RGS12: variants seen among roughly 807,000 people sequenced by gnomAD.
The protein encoded by RGS12 is regulator of G-protein signaling 12.
Under a neutral mutation model 120.1 loss-of-function variants are expected in RGS12, and 66 were observed. The ratio of observed to expected loss-of-function variants is 0.55; its 90% CI spans 0.45 to 0.67. RGS12 has a LOEUF of 0.67. Ranked by LOEUF, RGS12 falls within the 30% of genes least tolerant of loss-of-function variation. The pLI is 0.00. For synonymous variants in RGS12, 827 were observed against 804.7 expected, an observed-to-expected ratio of 1.03 and a Z score of -0.47; for missense variants, 1,859 against 1,957.7, an observed-to-expected ratio of 0.95 and a Z score of 0.95.
intron 3 of RGS12, among the ~76,000 whole-genome samples, chr4:3,345,380 C>T (rs1391805467): frequency 4.6e-5 from 7 of 152,342 alleles, no homozygotes; most frequent in Non-Finnish European, 1.0e-4. Context: ...CATTTTCTTT[C>T]TGACAACTTT....
chr4:3,381,734 A>G (rs1316584028), intron 3 of RGS12, among the ~76,000 whole-genome samples: 1 of 152,238 alleles, frequency 6.6e-6, no homozygotes, highest in Admixed American at 6.5e-5. Context: ...TGGAACTACA[A>G]GATGAGATTT....
chr4:3,334,390 T>TA (rs922059867), intron 2 of RGS12, among the ~76,000 whole-genome samples: 10 of 152,244 alleles, frequency 6.6e-5, no homozygotes, highest in African/African-American at 2.4e-4. Context: ...AAACCTAACT[T>TA]ATGATCATTT....
chr4:3,333,816 A>T (rs1712150843), intron 2 of RGS12, among the ~76,000 whole-genome samples: 1 of 152,210 alleles, frequency 6.6e-6, no homozygotes, highest in Non-Finnish European at 1.5e-5. Context: ...CAACCAGTTT[A>T]CAAATTCCCC....
At chr4:3,382,507 C>G (rs946693917) in intron 3 of RGS12, among the ~76,000 whole-genome samples, 1 of 152,232 alleles carries the variant, frequency 6.6e-6, no homozygotes, top group Non-Finnish European at 1.5e-5. Flanking sequence ...AGATCAACAT[C>G]ATGGGATCCA....
At chr4:3,359,971 T>A (rs1419853184) in intron 3 of RGS12, among the ~76,000 whole-genome samples, 1 of 152,068 alleles carries the variant, frequency 6.6e-6, no homozygotes, top group Non-Finnish European at 1.5e-5. Flanking sequence ...ATGTTGCCCA[T>A]GTTGTCTTGA....
At chr4:3,356,050 ATTT>A (rs35966486) in intron 3 of RGS12, among the ~76,000 whole-genome samples, 2,837 of 123,400 alleles carry the variant, frequency 0.023, 74 homozygotes, top group African/African-American at 0.078. Flanking sequence ...ATCTTTTTCA[ATTT>A]TTTTTTTTTT....
intron 4 of RGS12, among the ~76,000 whole-genome samples, chr4:3,401,891 T>C (rs73792010): frequency 0.076 from 11,540 of 152,338 alleles, 1,117 homozygotes; most frequent in African/African-American, 0.23. Context: ...AGCCCTGCCT[T>C]AGCCTCGTCT....
chr4:3,386,479 A>G (rs752068465), intron 4 of RGS12, 42 bp downstream of exon 4: 5 of 1,549,794 alleles, frequency 3.2e-6, no homozygotes, highest in Non-Finnish European at 4.4e-6. Context: ...TATTTTTCAT[A>G]AAGTTTTCAA....
chr4:3,317,477 A>G lies in RGS12; in HGVS notation c.1307A>G (p.Asn436Ser), dbSNP rs768427451. The G allele has an allele frequency of 6.2e-7, 1 of 1,613,716 alleles. No individual in the cohort carries two copies. The highest frequency in any genetic ancestry group is 1.3e-5 in the African/African-American group (1 of 74,914). The change falls in exon 2 of 18, where the codon AAC (asparagine) becomes AGC (serine). Residue 436 changes from asparagine (N) to serine (S), a missense_variant. This residue lies in a region of RGS12 where 967 missense variants were observed against 994.2 expected (regional missense o/e 0.97). Coordinates refer to ENST00000336727, the MANE Select transcript of RGS12 (RefSeq NM_001394154.1). Reference protein sequence around the residue: ...IGNFHQEEKSNRVLVVDLGGS... With the variant: ...IGNFHQEEKSSRVLVVDLGGS... ...AACTTCCACCAGGAGGAGAAGAGCA[A>G]CCGGGTCCTTGTGGTGGACCTGGGT... is the stretch of plus-strand genomic sequence containing the variant.
At chr4:3,370,062 G>A in intron 3 of RGS12, 13 of 1,263,182 alleles carry the variant, frequency 1.0e-5, no homozygotes, top group Non-Finnish European at 1.2e-5. Context: ...TGTAAACGGC[G>A]CTTCTTTCTT....
intron 1 of RGS12, among the ~76,000 whole-genome samples, chr4:3,304,519 G>T (rs111584812): frequency 6.6e-6 from 1 of 152,238 alleles, no homozygotes; most frequent in Non-Finnish European, 1.5e-5. Flanking sequence ...ACTGCAGTCA[G>T]CCAGCCTGGC....
chr4:3,422,791 C>T, intron 11 of RGS12, 114 bp from the exon 12 acceptor site: 1 of 1,066,996 alleles, frequency 9.4e-7, no homozygotes, highest in Non-Finnish European at 1.4e-6. Context: ...CTTTGGATGG[C>T]TGTTTTTGAA....
chr4:3,428,335 T>TA (rs1723896757), intron 15 of RGS12, 166 bp downstream of exon 15: 3 of 811,724 alleles, frequency 3.7e-6, no homozygotes, highest in South Asian at 1.5e-5. Context: ...AGCTCCCTCT[T>TA]ACCTGTGAAG....
At chr4:3,406,709 C>G (rs950843909) in intron 4 of RGS12, among the ~76,000 whole-genome samples, 2 of 152,188 alleles carry the variant, frequency 1.3e-5, no homozygotes, top group Non-Finnish European at 2.9e-5. Flanking sequence ...GAACCAAGAC[C>G]CAGGAGATCC....
chr4:3,350,450 G>A (rs1714248668), intron 3 of RGS12, among the ~76,000 whole-genome samples: 1 of 152,202 alleles, frequency 6.6e-6, no homozygotes, highest in Admixed American at 6.5e-5. Flanking sequence ...GGGAGGCTGA[G>A]GCAAGAGGAT....
At chr4:3,421,232 A>G (rs1315086987) in intron 10 of RGS12, among the ~76,000 whole-genome samples, 3 of 152,088 alleles carry the variant, frequency 2.0e-5, no homozygotes, top group Admixed American at 6.6e-5. Context: ...GATGAGGGAG[A>G]TGAGCAGGCG....
chr4:3,356,159 T>TC (rs1377564415), intron 3 of RGS12, among the ~76,000 whole-genome samples: 4 of 151,120 alleles, frequency 2.6e-5, no homozygotes, highest in Non-Finnish European at 5.9e-5. Context: ...GCTCAGGCGA[T>TC]CCTTTGGCCT....
intron 4 of RGS12, 45 bp from the exon 5 acceptor site, chr4:3,414,027 G>C (rs1169315031): frequency 1.3e-6 from 2 of 1,489,806 alleles, no homozygotes; most frequent in Non-Finnish European, 1.8e-6. Context: ...CACTGGGCCG[G>C]GGCGGAGGGC....
chr4:3,313,305 C>T (rs560810247), intron 1 of RGS12, among the ~76,000 whole-genome samples: 5 of 152,328 alleles, frequency 3.3e-5, no homozygotes, highest in Admixed American at 2.6e-4. Context: ...GAGAGGTGTT[C>T]TGTTCCCCGA....
Sources: allele counts gnomAD v4.1 joint callset (sites outside exome capture counted in the v4.1 genomes callset), GRCh38; gene constraint gnomAD v4.1.1; regional missense constraint gnomAD v4.1.1; transcripts MANE v1.5; gene names NCBI Gene and HGNC (gene_info 2026-07-23, HGNC 2026-07-21).